PDIA5: variants seen among roughly 807,000 people sequenced by gnomAD.
PDIA5 encodes the protein protein disulfide-isomerase A5.
Under a neutral mutation model 77.6 loss-of-function variants are expected in PDIA5, and 58 were observed. The observed-to-expected ratio is 0.75, with a 90% confidence interval of 0.61 to 0.93. PDIA5 has a LOEUF of 0.93. Among genes scored for constraint, PDIA5 ranks in the 40% least tolerant of loss-of-function variants. The probability of loss-of-function intolerance (pLI) is 0.00; values close to 1 mark genes in which losing one functional copy is unlikely to be tolerated. For synonymous variants in PDIA5, 250 were observed against 252.1 expected, an observed-to-expected ratio of 0.99 and a Z score of 0.08; for missense variants, 630 against 647.7, an observed-to-expected ratio of 0.97 and a Z score of 0.30.
chr3:123,120,417 C>T (rs1327754119), intron 8 of PDIA5, among the ~76,000 whole-genome samples: 1 of 152,156 alleles, frequency 6.6e-6, no homozygotes. Context: ...AGCCCTGTAC[C>T]CCACAGAGCA....
chr3:123,136,612 G>A (rs1355244860), intron 11 of PDIA5, among the ~76,000 whole-genome samples: 1 of 151,596 alleles, frequency 6.6e-6, no homozygotes, highest in Non-Finnish European at 1.5e-5. Context: ...GGTGGTGCAC[G>A]CCTGTAGTCC....
chr3:123,100,690 A>C (rs927259111), intron 3 of PDIA5, among the ~76,000 whole-genome samples: 3 of 152,348 alleles, frequency 2.0e-5, no homozygotes, highest in Middle Eastern at 6.8e-3. Context: ...CTCCAGTAAG[A>C]CATGCTTCTT....
Position 123,102,890 on chromosome 3 carries a change from T to G in PDIA5, c.387+94T>G, listed in dbSNP as rs909401853. ...CTCTCTGAGAAAAGAAAGGGCAGAT[T>G]GCACAAATAGCTCTTCTAAATGACC... On this transcript the variant is annotated intron_variant, in intron 5 of 16. Coordinates refer to ENST00000316218, the MANE Select transcript of PDIA5 (RefSeq NM_006810.4). 20 of 786,648 alleles carry G rather than the reference T, an allele frequency of 2.5e-5. No homozygotes were observed. In the African/African-American group the frequency reaches 3.2e-4, roughly 13 times the overall value. 48.7% of individuals were successfully genotyped at this position (786,648 alleles called of 1,614,324 possible). A position where few individuals can be genotyped will look rare whatever the true frequency, so the allele number is the denominator to read the frequency against.
intron 7 of PDIA5, among the ~76,000 whole-genome samples, chr3:123,114,425 CTCTA>C (rs1417991430): frequency 6.6e-6 from 1 of 152,184 alleles, no homozygotes; most frequent in Non-Finnish European, 1.5e-5. Context: ...TGTTCCCCGG[CTCTA>C]TCTAACACCT....
intron 1 of PDIA5, among the ~76,000 whole-genome samples, chr3:123,086,451 A>T (rs2107916551): frequency 6.6e-6 from 1 of 152,362 alleles, no homozygotes; most frequent in Non-Finnish European, 1.5e-5. Context: ...CGTGACTCAT[A>T]TTAGAAAGAC....
intron 3 of PDIA5, among the ~76,000 whole-genome samples, chr3:123,094,748 C>T (rs190328788): frequency 6.6e-6 from 1 of 152,340 alleles, no homozygotes; most frequent in Admixed American, 6.5e-5. Context: ...TTATCCTTGT[C>T]ACTGTGAAAC....
chr3:123,075,333 G>A (rs987718130), intron 1 of PDIA5, among the ~76,000 whole-genome samples: 9 of 152,148 alleles, frequency 5.9e-5, no homozygotes, highest in Admixed American at 2.6e-4. Context: ...AGTTGGCTGG[G>A]GGACCATATA....
chr3:123,105,811 C>T (rs986496946), intron 5 of PDIA5, among the ~76,000 whole-genome samples: 5 of 152,084 alleles, frequency 3.3e-5, no homozygotes, highest in Non-Finnish European at 7.4e-5. Context: ...TCAAAGTTGA[C>T]AGAAGTAACA....
At chr3:123,103,520 G>C (rs1269563676) in intron 5 of PDIA5, among the ~76,000 whole-genome samples, 1 of 152,114 alleles carries the variant, frequency 6.6e-6, no homozygotes, top group Non-Finnish European at 1.5e-5. Context: ...TGGACCCTGT[G>C]CTCCTGTCTC....
intron 1 of PDIA5, among the ~76,000 whole-genome samples, chr3:123,079,086 TA>T (rs758117334): frequency 9.9e-5 from 15 of 151,734 alleles, no homozygotes; most frequent in Admixed American, 5.9e-4. Context: ...AAGGGAAGAA[TA>T]AATATTACCG....
chr3:123,111,767 T>TAA (rs1430737254), intron 7 of PDIA5, among the ~76,000 whole-genome samples: 1 of 152,368 alleles, frequency 6.6e-6, no homozygotes, highest in African/African-American at 2.4e-5. Flanking sequence ...GAAGTATATA[T>TAA]AAATTATATG....
At chr3:123,134,387 G>T (rs1186339391) in intron 11 of PDIA5, among the ~76,000 whole-genome samples, 1 of 152,090 alleles carries the variant, frequency 6.6e-6, no homozygotes, top group African/African-American at 2.4e-5. Flanking sequence ...GGCACCTGTG[G>T]GTTCCAGAGG....
At chr3:123,095,496 TC>T (rs1170269272) in intron 3 of PDIA5, among the ~76,000 whole-genome samples, 1 of 151,922 alleles carries the variant, frequency 6.6e-6, no homozygotes, top group Non-Finnish European at 1.5e-5. Flanking sequence ...ACACCTATAA[TC>T]CCAGCACTTT....
chr3:123,105,107 G>A (rs1045233290), intron 5 of PDIA5, among the ~76,000 whole-genome samples: 6 of 152,166 alleles, frequency 3.9e-5, no homozygotes, highest in Admixed American at 6.5e-5. Flanking sequence ...AGGGCTGGGC[G>A]TGGGGCCAGG....
intron 15 of PDIA5, among the ~76,000 whole-genome samples, chr3:123,160,337 A>C (rs2107997883): frequency 6.6e-6 from 1 of 152,336 alleles, no homozygotes; most frequent in South Asian, 2.1e-4. Flanking sequence ...AAAACAACAA[A>C]TGATGAGGAA....
chr3:123,133,359 T>C (rs1347192172), intron 11 of PDIA5, among the ~76,000 whole-genome samples: 1 of 152,224 alleles, frequency 6.6e-6, no homozygotes, highest in East Asian at 1.9e-4. Flanking sequence ...ACGGAGTGAT[T>C]TGGAGACAGA....
intron 1 of PDIA5, chr3:123,067,709 C>A (rs1297507415): frequency 6.5e-6 from 1 of 153,522 alleles, no homozygotes; most frequent in African/African-American, 2.4e-5. Context: ...CGCCCACAGG[C>A]CAGGCTCGGT....
intron 1 of PDIA5, among the ~76,000 whole-genome samples, chr3:123,069,002 G>A (rs139789699): frequency 6.6e-6 from 1 of 152,176 alleles, no homozygotes; most frequent in Non-Finnish European, 1.5e-5. Flanking sequence ...CAGGAGGTGC[G>A]GAAGAGCAGG....
intron 13 of PDIA5, among the ~76,000 whole-genome samples, chr3:123,148,847 C>T (rs1420776053): frequency 6.6e-6 from 1 of 152,200 alleles, no homozygotes; most frequent in African/African-American, 2.4e-5. Context: ...TGTGAACAGC[C>T]GATGGCTCGG....
Sources: allele counts gnomAD v4.1 joint callset (sites outside exome capture counted in the v4.1 genomes callset), GRCh38; gene constraint gnomAD v4.1.1; transcripts MANE v1.5; gene names NCBI Gene and HGNC (gene_info 2026-07-23, HGNC 2026-07-21).